DLGAP1: variants seen among roughly 807,000 people sequenced by gnomAD.
DLGAP1 encodes the protein disks large-associated protein 1.
DLGAP1 carries 11 observed loss-of-function variants against 90.8 expected under a neutral mutation model. That is an observed-to-expected ratio of 0.12 (90% CI 0.08 to 0.20). DLGAP1 has a LOEUF of 0.20. DLGAP1 is among the 10% of genes least tolerant of loss of function. The pLI, the probability that DLGAP1 is intolerant of heterozygous loss-of-function variation, is 1.00. For missense variants in DLGAP1, 1,050 were observed against 1,333.8 expected (o/e 0.79, Z 3.31); for synonymous variants, 558 against 540.7 (o/e 1.03, Z -0.44).
chr18:4,397,969 T>C (rs1481857372), intron 1 of DLGAP1, among the ~76,000 whole-genome samples: 2 of 152,222 alleles, frequency 1.3e-5, no homozygotes, highest in Admixed American at 6.5e-5. Flanking sequence ...TTTTAAGATG[T>C]AATGACTTTC....
intron 6 of DLGAP1, among the ~76,000 whole-genome samples, chr18:3,740,211 C>G (rs564055852): frequency 2.8e-4 from 43 of 152,272 alleles, no homozygotes; most frequent in Non-Finnish European, 5.0e-4. Context: ...TTCTCAATGA[C>G]TGTGTGACCT....
intron 1 of DLGAP1, among the ~76,000 whole-genome samples, chr18:4,297,939 G>C (rs182522166): frequency 2.2e-4 from 33 of 152,214 alleles, no homozygotes; most frequent in African/African-American, 7.0e-4. Flanking sequence ...TGAAAGGACT[G>C]GGAACTAGAG....
intron 2 of DLGAP1, among the ~76,000 whole-genome samples, chr18:4,029,773 C>G (rs547751761): frequency 6.6e-6 from 1 of 152,280 alleles, no homozygotes; most frequent in African/African-American, 2.4e-5. Flanking sequence ...CCCTTAAATT[C>G]AAGTGTGCCC....
chr18:4,174,035 CA>C (rs776566119), intron 1 of DLGAP1, among the ~76,000 whole-genome samples: 25 of 152,178 alleles, frequency 1.6e-4, no homozygotes, highest in Non-Finnish European at 2.8e-4. Context: ...AATTAAACAT[CA>C]GTGATTCTCC....
chr18:4,190,937 A>G (rs2077387177), intron 1 of DLGAP1, among the ~76,000 whole-genome samples: 1 of 152,148 alleles, frequency 6.6e-6, no homozygotes, highest in African/African-American at 2.4e-5. Context: ...AATATTTCCA[A>G]GTATAATAAT....
chr18:3,952,043 A>G (rs1218675113), intron 3 of DLGAP1, among the ~76,000 whole-genome samples: 1 of 152,208 alleles, frequency 6.6e-6, no homozygotes, highest in African/African-American at 2.4e-5. Flanking sequence ...AAAACACAGG[A>G]TGGTAGAAAA....
At chr18:3,941,232 G>C (rs770563034) in intron 3 of DLGAP1, among the ~76,000 whole-genome samples, 7 of 152,214 alleles carry the variant, frequency 4.6e-5, no homozygotes, top group Non-Finnish European at 8.8e-5. Flanking sequence ...ATTGAATTCA[G>C]AATTTGCTGG....
intron 1 of DLGAP1, among the ~76,000 whole-genome samples, chr18:4,190,171 T>C (rs566158236): frequency 4.5e-4 from 69 of 152,210 alleles, no homozygotes; most frequent in African/African-American, 1.6e-3. Context: ...CAAGGAGATA[T>C]TATTCAGTAA....
chr18:4,133,889 G>A (rs535278629), intron 2 of DLGAP1, among the ~76,000 whole-genome samples: 1 of 152,054 alleles, frequency 6.6e-6, no homozygotes, highest in East Asian at 1.9e-4. Flanking sequence ...GATTTAAAAG[G>A]ACTTGGGGAA....
intron 1 of DLGAP1, among the ~76,000 whole-genome samples, chr18:4,406,406 A>G (rs1437076730): frequency 6.6e-6 from 1 of 152,192 alleles, no homozygotes; most frequent in Admixed American, 6.5e-5. Context: ...TCCAGACCCT[A>G]TTCTCCTGCC....
chr18:4,143,300 T>C (rs970819373), intron 2 of DLGAP1, among the ~76,000 whole-genome samples: 2 of 151,966 alleles, frequency 1.3e-5, no homozygotes, highest in East Asian at 2.0e-4. Context: ...TGATGCCCTA[T>C]TGTACTGCAG....
intron 1 of DLGAP1, among the ~76,000 whole-genome samples, chr18:4,451,071 A>AAT (rs2083814888): frequency 6.6e-6 from 1 of 152,214 alleles, no homozygotes; most frequent in South Asian, 2.1e-4. Context: ...GGGAGAAAAT[A>AAT]ATAAAGCAAC....
At chr18:3,725,333 C>T (rs752092393) in intron 7 of DLGAP1, among the ~76,000 whole-genome samples, 1 of 152,138 alleles carries the variant, frequency 6.6e-6, no homozygotes, top group Non-Finnish European at 1.5e-5. Context: ...ATATTCAGCA[C>T]AGGAAGTAAA....
intron 4 of DLGAP1, among the ~76,000 whole-genome samples, chr18:3,847,203 A>G (rs2069068550): frequency 6.6e-6 from 1 of 152,210 alleles, no homozygotes; most frequent in African/African-American, 2.4e-5. Flanking sequence ...TGAAAAAAAG[A>G]GATGTTATAA....
intron 2 of DLGAP1, among the ~76,000 whole-genome samples, chr18:4,111,589 T>C (rs2075973102): frequency 6.6e-6 from 1 of 152,202 alleles, no homozygotes; most frequent in African/African-American, 2.4e-5. Flanking sequence ...AAATTACTAA[T>C]TCAATTTTTT....
At chr18:3,626,577 A>G (rs999718107) in intron 7 of DLGAP1, among the ~76,000 whole-genome samples, 1 of 145,162 alleles carries the variant, frequency 6.9e-6, no homozygotes, top group African/African-American at 2.6e-5. Flanking sequence ...CTGCTGGGTG[A>G]CAGAGCAAGA....
At chr18:3,856,760 C>T (rs1022399813) in intron 4 of DLGAP1, among the ~76,000 whole-genome samples, 1 of 151,796 alleles carries the variant, frequency 6.6e-6, no homozygotes, top group African/African-American at 2.4e-5. Flanking sequence ...ACTCGGGAGG[C>T]TGAGGCAGGA....
intron 5 of DLGAP1, among the ~76,000 whole-genome samples, chr18:3,786,361 T>C (rs549469023): frequency 6.6e-6 from 1 of 152,198 alleles, no homozygotes; most frequent in Non-Finnish European, 1.5e-5. Context: ...TAGGCCCCTA[T>C]GTAGTACTAG....
intron 7 of DLGAP1, among the ~76,000 whole-genome samples, chr18:3,666,916 C>T (rs2059904585): frequency 6.6e-6 from 1 of 151,972 alleles, no homozygotes; most frequent in African/African-American, 2.4e-5. Flanking sequence ...ACCACTACAC[C>T]CTGCTAATTT....
Sources: gnomAD v4.1 joint callset for allele counts (sites outside exome capture counted in the v4.1 genomes callset) on GRCh38, gnomAD v4.1.1 for gene constraint, MANE v1.5 for transcripts, NCBI Gene and HGNC (gene_info 2026-07-23, HGNC 2026-07-21) for gene names.